Variants in GEN1 observed in about 807,000 individuals in gnomAD.
GEN1 encodes the protein flap endonuclease GEN homolog 1.
GEN1 carries 64 observed loss-of-function variants against 67.6 expected under a neutral mutation model. That is an observed-to-expected ratio of 0.95 (90% CI 0.77 to 1.17). The LOEUF (loss-of-function observed/expected upper bound fraction) is 1.17. Ranked by LOEUF, GEN1 falls within the 50% of genes most tolerant of loss-of-function variation. GEN1 has a pLI of 0.00. For synonymous variants in GEN1, 371 were observed against 359.4 expected (o/e 1.03, Z -0.37); for missense variants, 1,058 against 1,048.3 (o/e 1.01, Z -0.13).
chr2:17,778,347 CATGT>C lies in GEN1; in HGVS notation c.1264+285_1264+288del, dbSNP rs1312069375. On this transcript the variant is annotated intron_variant, in intron 12 of 13. Coordinates refer to ENST00000381254, the MANE Select transcript of GEN1 (RefSeq NM_001130009.3). ...ACGTGTACATATATGTATACACACA[CATGT>C]GTGTACATATATGTATATACACACA... Among the ~76,000 whole-genome samples the C allele has an allele frequency of 2.6e-4, 9 of 35,156 alleles. 2 individuals carry two copies. The highest frequency in any genetic ancestry group is 3.2e-4 in the Non-Finnish European group (5 of 15,616). The allele number at this position is 35,156 out of a possible 152,430, so 23.1% of individuals were successfully genotyped here.
At chr2:17,779,735 G>T (rs1280370166) in intron 12 of GEN1, among the ~76,000 whole-genome samples, 1 of 152,080 alleles carries the variant, frequency 6.6e-6, no homozygotes, top group Non-Finnish European at 1.5e-5. Flanking sequence ...CTGAGTAGCT[G>T]GGATTATAGG....
At chr2:17,778,521 A>G (rs576543249) in intron 12 of GEN1, among the ~76,000 whole-genome samples, 2 of 151,784 alleles carry the variant, frequency 1.3e-5, no homozygotes, top group African/African-American at 4.8e-5. Context: ...CACATGCACC[A>G]CAGGTTGATT....
intron 1 of GEN1, chr2:17,755,640 A>G (rs1558392431): frequency 2.6e-5 from 4 of 152,234 alleles, no homozygotes; most frequent in Admixed American, 2.6e-4. Flanking sequence ...ATACTCATCT[A>G]AATGGAAATT....
At chr2:17,773,173 T>C (rs1487236063) in intron 9 of GEN1, 41 bp downstream of exon 9, 2 of 1,556,100 alleles carry the variant, frequency 1.3e-6, no homozygotes, top group Non-Finnish European at 1.8e-6. Context: ...TTAGAAACTT[T>C]CTTAAAAGTT....
In GEN1 at chr2:17,782,225, A is replaced by G. The variant is rs931385877; in HGVS notation, c.*286A>G. 1 of 208,760 alleles carries G rather than the reference A, an allele frequency of 4.8e-6. No homozygotes were observed. Among genetic ancestry groups the G allele is most frequent in the Non-Finnish European group, 9.4e-6 (1 of 106,000 alleles). The allele number at this position is 208,760 out of a possible 1,614,324, so 12.9% of individuals were successfully genotyped here. A position where few individuals can be genotyped will look rare whatever the true frequency, so the allele number is the denominator to read the frequency against. On this transcript the variant is annotated 3_prime_UTR_variant, in exon 14 of 14. Transcript: ENST00000381254. ...TAGTACTTGACAGAGTAAATACTTC[A>G]TCTGATTGTTCATTTTTACTTTTTC... is the stretch of plus-strand genomic sequence containing the variant.
At chr2:17,771,162 T>C (rs375084121) in intron 6 of GEN1, 34 bp from the exon 7 acceptor site, 3 of 1,289,142 alleles carry the variant, frequency 2.3e-6, no homozygotes, top group East Asian at 2.3e-5. Flanking sequence ...ACCTCATTTT[T>C]TTTCCTTTTT....
At position 17,760,078 on chromosome 2, in the gene GEN1, G is replaced by C. The variant is rs759922532; in HGVS notation, c.135G>C (p.Met45Ile). Residue 45 changes from methionine to isoleucine, a missense_variant, in exon 2 of 14, where the codon ATG becomes ATC. Transcript: ENST00000381254. ...AGGCACAGACAGTCAAAAAAATGAT[G>C]GGCAGCGTCATGAAGCCCCACCTCA... ...VCEAQTVKKM[M>I]GSVMKPHLRN... 3.2e-5 allele frequency: 51 copies of C among 1,613,540 alleles called. No individual in the cohort carries two copies. Among genetic ancestry groups the C allele is most frequent in the Non-Finnish European group, 4.2e-5 (49 of 1,179,806 alleles).
rs1225782850 is a variant in GEN1, at chr2:17,778,287, CACAT to C, written c.1264+225_1264+228del. On this transcript the variant is annotated intron_variant, in intron 12 of 13. Transcript: ENST00000381254. ...GTGTGTACATATATGTATATACACA[CACAT>C]GTGTGTGTACATATATGTATATACA... is the stretch of plus-strand genomic sequence containing the variant. 3.9e-5 allele frequency among the ~76,000 whole-genome samples: 5 copies of C among 127,002 alleles called. 2 individuals are homozygous for C. The highest frequency in any genetic ancestry group is 1.3e-4 in the African/African-American group (4 of 29,974). 83.3% of individuals were successfully genotyped at this position (127,002 alleles called of 152,430 possible). A position where few individuals can be genotyped will look rare whatever the true frequency, so the allele number is the denominator to read the frequency against.
In GEN1 at chr2:17,765,065, A is replaced by G. The variant is rs1671861593; in HGVS notation, c.517A>G (p.Asn173Asp). 6.2e-7 allele frequency: 1 copy of G among 1,613,436 alleles called. No homozygotes were observed. Among genetic ancestry groups the G allele is most frequent in the Non-Finnish European group, 8.5e-7 (1 of 1,179,830 alleles). ...GACTGTTTACAGGAATTTCACTATG[A>G]ATACAAAGGTGTTTATTTTCTTTCT... ...AQTVYRNFTM[N>D]TKDPHVDCYT... Residue 173 changes from asparagine to aspartate, a missense_variant, in exon 4 of 14, where the codon AAT (asparagine) becomes GAT (aspartate). Physicochemically the swap from Asn to Asp is conservative, Grantham distance 23. Transcript: ENST00000381254.
upstream of GEN1, chr2:17,753,703 G>C (rs1367784846): frequency 6.6e-6 from 1 of 152,226 alleles, no homozygotes; most frequent in Non-Finnish European, 1.5e-5. Context: ...AGGCCACCCT[G>C]CGGGCGTCTC....
intron 4 of GEN1, among the ~76,000 whole-genome samples, chr2:17,766,256 C>T (rs1241355645): frequency 6.6e-6 from 1 of 152,206 alleles, no homozygotes; most frequent in Non-Finnish European, 1.5e-5. Flanking sequence ...CAACCTCCTC[C>T]TCCTGGCTTC....
chr2:17,759,346 A>G (rs1421714922), intron 1 of GEN1, among the ~76,000 whole-genome samples: 1 of 152,238 alleles, frequency 6.6e-6, no homozygotes, highest in Non-Finnish European at 1.5e-5. Flanking sequence ...ACGTGGAAAA[A>G]GGTTTAACTT....
In GEN1 at chr2:17,781,726, C is replaced by T. The variant is rs1027092998; in HGVS notation, c.2514C>T (p.Asn838=). 2.1e-5 allele frequency: 34 copies of T among 1,613,640 alleles called. No homozygotes were observed. The East Asian group carries it at 7.6e-4, about 36-fold the overall frequency. Residue 838 remains asparagine, a synonymous_variant, in exon 14 of 14, where the codon AAC becomes AAT. Transcript: ENST00000381254. The part of the protein sequence containing the change: ...NSSHFKESGH[N]KLSSPKIHIK... ...CCCATTTCAAAGAAAGTGGCCATAA[C>T]AAGTTGAGTAGCCCTAAGATACATA... is the stretch of plus-strand genomic sequence containing the variant.
At chr2:17,761,041 G>A (rs1284851605) in intron 2 of GEN1, among the ~76,000 whole-genome samples, 1 of 152,018 alleles carries the variant, frequency 6.6e-6, no homozygotes, top group East Asian at 1.9e-4. Context: ...GACCAGCCTG[G>A]GCAACATGGT....
rs1304274455 is a variant in GEN1, at chr2:17,784,878, A to G, written c.*2939A>G. On this transcript the variant is annotated 3_prime_UTR_variant, in exon 14 of 14. Coordinates refer to ENST00000381254, the MANE Select transcript of GEN1 (RefSeq NM_001130009.3). The stretch of plus-strand genomic sequence containing the variant: ...GTGGCCAGTCTGAGTTCATTTTGCT[A>G]TATAGCTCAGGAGTCCCCAACCCCT... 2 of 152,186 alleles carry G rather than the reference A, an allele frequency of 1.3e-5. No homozygotes were observed. The highest frequency in any genetic ancestry group is 2.4e-5 in the African/African-American group (1 of 41,446). The allele number at this position is 152,186 out of a possible 1,614,324, so 9.4% of individuals were successfully genotyped here.
intron 1 of GEN1, among the ~76,000 whole-genome samples, chr2:17,756,517 A>T (rs1288156254): frequency 3.3e-5 from 5 of 152,322 alleles, no homozygotes; most frequent in Admixed American, 1.3e-4. Flanking sequence ...AAAAAAATTT[A>T]AAATTTTACC....
intron 13 of GEN1, 79 bp downstream of exon 13, chr2:17,780,200 T>C: frequency 8.9e-7 from 1 of 1,122,194 alleles, no homozygotes; most frequent in Non-Finnish European, 1.3e-6. Context: ...GAATCTGCTG[T>C]GTCTAAATTT....
chr2:17,765,916 C>T (rs1173896799), intron 4 of GEN1, among the ~76,000 whole-genome samples: 2 of 151,208 alleles, frequency 1.3e-5, no homozygotes, highest in Non-Finnish European at 2.9e-5. Context: ...ATAGCTCAGG[C>T]AGTGCAGTTA....
Position 17,774,387 on chromosome 2 carries a change from A to G in GEN1, c.1188A>G (p.Gln396=). ...AGCTTGGTAGCAGAAACTCTAATCA[A>G]CTACAGCCAATTCGGTAATGTAAAG... ...ERKLGSRNSN[Q]LQPIRIVKTR... The change falls in exon 11 of 14, where the codon CAA becomes CAG. Residue 396 remains glutamine (Q), a synonymous_variant. Coordinates refer to ENST00000381254, the MANE Select transcript of GEN1 (RefSeq NM_001130009.3). 6.2e-7 allele frequency: 1 copy of G among 1,601,870 alleles called. No homozygotes were observed. The highest frequency in any genetic ancestry group is 8.5e-7 in the Non-Finnish European group (1 of 1,173,702).
Sources: gnomAD v4.1 joint callset for allele counts (sites outside exome capture counted in the v4.1 genomes callset) on GRCh38, gnomAD v4.1.1 for gene constraint, MANE v1.5 for transcripts, NCBI Gene and HGNC (gene_info 2026-07-23, HGNC 2026-07-21) for gene names.